Variants in STXBP2 observed in about 807,000 individuals in gnomAD.
STXBP2 encodes syntaxin-binding protein 2.
Under a neutral mutation model 72.2 loss-of-function variants are expected in STXBP2, and 47 were observed. The ratio of observed to expected loss-of-function variants is 0.65; its 90% CI spans 0.51 to 0.83. The LOEUF (loss-of-function observed/expected upper bound fraction) is 0.83. STXBP2 is among the 40% of genes least tolerant of loss of function. The probability of loss-of-function intolerance (pLI) is 0.00; values close to 1 mark genes in which losing one functional copy is unlikely to be tolerated. For synonymous variants in STXBP2, 367 were observed against 338.7 expected (o/e 1.08, Z -0.92); for missense variants, 702 against 807.6 (o/e 0.87, Z 1.58).
In STXBP2 at chr19:7,638,719, C is replaced by T. The variant is rs8104339; in HGVS notation, c.38-7C>T. ...GCATTCTGACCCCTCCCCTCCCTTC[C>T]CTGCAGAAATTCTGAGCGGAGTTAT... On this transcript the variant is annotated splice_region_variant and splice_polypyrimidine_tract_variant and intron_variant, in intron 1 of 18. Transcript: ENST00000221283. 0.4 allele frequency: 638,025 copies of T among 1,613,500 alleles called. 129,930 individuals carry two copies. Among genetic ancestry groups the T allele is most frequent in the East Asian group, 0.69 (30,904 of 44,850 alleles).
At chr19:7,646,688 G>T (rs558557365) in intron 16 of STXBP2, 2 of 423,496 alleles carry the variant, frequency 4.7e-6, no homozygotes, top group Non-Finnish European at 4.3e-6. Flanking sequence ...ATGGGCCTGG[G>T]GCGGCTTCCT....
intron 1 of STXBP2, 142 bp from the exon 2 acceptor site, chr19:7,638,584 A>G (rs2031659332): frequency 1.2e-6 from 1 of 838,116 alleles, no homozygotes; most frequent in African/African-American, 1.7e-5. Context: ...CCTAGGTGAC[A>G]GAGTGAGATC....
Position 7,642,429 on chromosome 19 carries a change from G to A in STXBP2, c.795G>A (p.Arg265=), listed in dbSNP as rs1438723460. ...DLLDIEQDTY[R]YETTGLSEAR... The stretch of plus-strand genomic sequence containing the variant: ...CCCAGGCTCCCTCCTTCCTCCCCAG[G>A]TATGAGACCACCGGGCTGAGCGAGG... Residue 265 remains arginine (R), a splice_region_variant and synonymous_variant, in exon 10 of 19, where the codon AGG becomes AGA. Transcript: ENST00000221283. The surrounding 1 kb of genome is among the most constrained non-coding windows in gnomAD (Gnocchi z 6.0). 1.2e-6 allele frequency: 2 copies of A among 1,613,796 alleles called. No individual in the cohort carries two copies. The highest frequency in any genetic ancestry group is 1.7e-6 in the Non-Finnish European group (2 of 1,180,012).
At chr19:7,634,921 C>A (rs1399191434), upstream of STXBP2, among the ~76,000 whole-genome samples, 3 of 152,030 alleles carry the variant, frequency 2.0e-5, no homozygotes, top group African/African-American at 7.3e-5. Flanking sequence ...CATTTCCCCA[C>A]CCCCCCAACC....
rs755717157 is a variant in STXBP2, at chr19:7,647,239, C to T, written c.1530C>T (p.Ala510=). 115 of 1,611,220 alleles carry T rather than the reference C, an allele frequency of 7.1e-5. No homozygotes were observed. Among genetic ancestry groups the T allele is most frequent in the Middle Eastern group, 5.0e-4 (3 of 5,964 alleles). Reference sequence around the variant, plus strand: ...CCGCCCCCACGGCCAGCTCCCAGGCCGCTGTCAGGTGAGGCCCCGGGGCCG... The same window carrying T: ...CCGCCCCCACGGCCAGCTCCCAGGCTGCTGTCAGGTGAGGCCCCGGGGCCG... ...SDPAPTASSQ[A]AVSARFGHWH... is the part of the protein sequence containing the mutation. Residue 510 remains alanine, a synonymous_variant, in exon 17 of 19, where the codon GCC becomes GCT. Coordinates refer to ENST00000221283, the MANE Select transcript of STXBP2 (RefSeq NM_006949.4).
At chr19:7,633,417 G>A (rs764220504), upstream of STXBP2, 2 of 1,573,778 alleles carry the variant, frequency 1.3e-6, no homozygotes, top group Admixed American at 1.9e-5. Context: ...CTCGGCACAG[G>A]GGCCTGAGCC....
the STXBP2 span, chr19:7,629,940 C>CT: frequency 2.8e-6 from 4 of 1,410,944 alleles, no homozygotes; most frequent in Non-Finnish European, 3.7e-6. Flanking sequence ...AATGGGGGGA[C>CT]TTCAAAGGAA....
Position 7,642,781 on chromosome 19 carries a change from C to T in STXBP2, c.918C>T (p.Leu306=). ...IADVSKKVTE[L]LRTFCESKRL... The stretch of plus-strand genomic sequence containing the variant: ...TCATGGCCAGGAAGGTCACGGAGCT[C>T]CTGAGGACCTTCTGTGAGAGCAAGA... The change falls in exon 11 of 19, where the codon CTC becomes CTT. Residue 306 remains leucine (L), a synonymous_variant. Transcript: ENST00000221283. This position sits in a 1 kb window ranked among gnomAD's most constrained non-coding sequence, Gnocchi z 6.0. 6.2e-7 allele frequency: 1 copy of T among 1,613,998 alleles called. No homozygotes were observed. Among genetic ancestry groups the T allele is most frequent in the Non-Finnish European group, 8.5e-7 (1 of 1,180,008 alleles).
upstream of STXBP2, chr19:7,632,686 C>T (rs2305887): frequency 2.3e-4 from 355 of 1,549,782 alleles, no homozygotes; most frequent in East Asian, 5.4e-3. This position sits in a 1 kb window ranked among gnomAD's most constrained non-coding sequence, Gnocchi z 5.2. Context: ...GTTCACGCCC[C>T]ATGGACAGCA....
intron 4 of STXBP2, chr19:7,640,338 GTGTGTATGCGTCTGTGCA>G (rs2031788861): frequency 7.5e-6 from 4 of 531,136 alleles, no homozygotes; most frequent in Non-Finnish European, 1.4e-5. Context: ...GTGTATGCGT[GTGTGTATGCGTCTGTGCA>G]TGTGTGTATG....
At position 7,641,791 on chromosome 19, in the gene STXBP2, G is replaced by A. The variant is rs990690323; in HGVS notation, c.516G>A (p.Leu172=). 1 of 1,551,542 alleles carries A rather than the reference G, an allele frequency of 6.4e-7. No homozygotes were observed. The highest frequency in any genetic ancestry group is 8.7e-7 in the Non-Finnish European group (1 of 1,147,598). Residue 172 remains leucine, a synonymous_variant, in exon 7 of 19, where the codon CTG becomes CTA. Coordinates refer to ENST00000221283, the MANE Select transcript of STXBP2 (RefSeq NM_006949.4). The stretch of plus-strand genomic sequence containing the variant: ...AGCGCACGCGGCAGCTCGAGGTGCT[G>A]GCCCAGCAGATTGCCACGCTGTGCG... ...AEERTRQLEV[L]AQQIATLCAT...
chr19:7,645,121 C>T lies in STXBP2; in HGVS notation c.1247-76C>T, dbSNP rs548677309. On this transcript the variant is annotated intron_variant, in intron 14 of 18. Coordinates refer to ENST00000221283, the MANE Select transcript of STXBP2 (RefSeq NM_006949.4). ...TCTCATCAGAGTCCTGGGAGCTCCT[C>T]AGCCCACCCCAAACTCCCCTAAACC... 57 of 1,501,618 alleles carry T rather than the reference C, an allele frequency of 3.8e-5. No individual in the cohort carries two copies. In the Middle Eastern group the frequency reaches 5.3e-4, roughly 14 times the overall value. 93.0% of individuals were successfully genotyped at this position (1,501,618 alleles called of 1,614,324 possible). A position where few individuals can be genotyped will look rare whatever the true frequency, so the allele number is the denominator to read the frequency against.
In STXBP2 at chr19:7,647,383, A is replaced by C; in HGVS notation, c.1568A>C (p.Lys523Thr). ...SARFGHWHKN[K>T]AGIEARAGPR... Reference sequence around the variant, plus strand: ...CGCTTCGGTCACTGGCACAAGAACAAGGCTGGCATAGAAGCCCGGGCGGGC... The same window carrying C: ...CGCTTCGGTCACTGGCACAAGAACACGGCTGGCATAGAAGCCCGGGCGGGC... Residue 523 changes from lysine (K) to threonine (T), a missense_variant, in exon 18 of 19, where the codon AAG becomes ACG. Lys to Thr is a moderately conservative substitution (Grantham distance 78). Transcript: ENST00000221283. The C allele has an allele frequency of 6.2e-7, 1 of 1,613,404 alleles. No individual in the cohort carries two copies. Among genetic ancestry groups the C allele is most frequent in the African/African-American group, 1.3e-5 (1 of 75,008 alleles).
intron 2 of STXBP2, 41 bp downstream of exon 2, chr19:7,638,816 A>G (rs1263409680): frequency 6.2e-7 from 1 of 1,605,908 alleles, no homozygotes; most frequent in Non-Finnish European, 8.5e-7. Context: ...GAGGCAGCTC[A>G]TCATCAGGCC....
At chr19:7,645,008 T>C in intron 14 of STXBP2, 189 bp from the exon 15 acceptor site, 1 of 1,450,084 alleles carries the variant, frequency 6.9e-7, no homozygotes, top group Non-Finnish European at 9.1e-7. Context: ...TCAGCTCATC[T>C]GGAGGAGCCC....
Position 7,640,132 on chromosome 19 carries a change from ATG to A in STXBP2, c.246+334_246+335del, listed in dbSNP as rs141190969. On this transcript the variant is annotated intron_variant, in intron 4 of 18. Transcript: ENST00000221283. ...TGCATGTGTGTATGCGTGTGTATGT[ATG>A]TGTGTGTGCATCTGTGTGCATCTGT... 180,275 of 531,290 alleles carry A rather than the reference ATG, an allele frequency of 0.34. 31,277 individuals are homozygous for A. The highest frequency in any genetic ancestry group is 0.38 in the Non-Finnish European group (106,107 of 281,882). 32.9% of individuals were successfully genotyped at this position (531,290 alleles called of 1,614,324 possible).
upstream of STXBP2, chr19:7,637,024 G>A (rs1053080564): frequency 9.2e-7 from 1 of 1,086,108 alleles, no homozygotes; most frequent in Non-Finnish European, 1.2e-6. Context: ...ACCGACGGCG[G>A]GGAGGGGCCA....
At position 7,642,208 on chromosome 19, in the gene STXBP2, A is replaced by G; in HGVS notation, c.669A>G (p.Pro223=). ...TGCCCTAAACCCCACCCCAGGGCCCAGAGAAAACCCGCTCCCAGCTGCTGA... is the reference window on the plus strand; with the variant it reads ...TGCCCTAAACCCCACCCCAGGGCCCGGAGAAAACCCGCTCCCAGCTGCTGA... ...KADTPSLGEG[P]EKTRSQLLIM... The change falls in exon 9 of 19, where the codon CCA becomes CCG. Residue 223 remains proline, a synonymous_variant. Transcript: ENST00000221283. The surrounding 1 kb of genome is among the most constrained non-coding windows in gnomAD (Gnocchi z 6.0). The G allele has an allele frequency of 1.2e-6, 2 of 1,614,156 alleles. No homozygotes were observed. The highest frequency in any genetic ancestry group is 1.7e-6 in the Non-Finnish European group (2 of 1,180,018).
intron 1 of STXBP2, 119 bp from the exon 2 acceptor site, chr19:7,638,604 TAAA>T (rs144737616): frequency 1.2e-3 from 1,121 of 932,552 alleles, no homozygotes; most frequent in Non-Finnish European, 1.4e-3. Context: ...CCTCCTCTCT[TAAA>T]AAAAAAAAAA....
Sources: gnomAD v4.1 joint callset for allele counts (sites outside exome capture counted in the v4.1 genomes callset) on GRCh38, gnomAD v4.1.1 for gene constraint, Gnocchi (gnomAD v3.1) non-coding constraint, MANE v1.5 for transcripts, NCBI Gene and HGNC (gene_info 2026-07-23, HGNC 2026-07-21) for gene names.